SNAP47: variants seen among roughly 807,000 people sequenced by gnomAD.
SNAP47 encodes the protein synaptosomal-associated protein 47.
SNAP47 carries 20 observed loss-of-function variants against 31.4 expected under a neutral mutation model. That is an observed-to-expected ratio of 0.64 (90% CI 0.45 to 0.93). The LOEUF is 0.93. SNAP47 is among the 40% of genes least tolerant of loss of function. The pLI is 0.00. For synonymous variants in SNAP47, 194 were observed against 213.4 expected, an observed-to-expected ratio of 0.91 and a Z score of 0.79; for missense variants, 492 against 528.5, an observed-to-expected ratio of 0.93 and a Z score of 0.68.
chr1:227,770,795 G>A (rs958871609), intron 4 of SNAP47: 6 of 152,616 alleles, frequency 3.9e-5, no homozygotes, highest in South Asian at 2.1e-4. Flanking sequence ...GTGTATGACC[G>A]CCCTGGCTTC....
In SNAP47 at chr1:227,735,461, C is replaced by G. The variant is rs1571972510; in HGVS notation, c.-84C>G. 4 of 1,436,596 alleles carry G rather than the reference C, an allele frequency of 2.8e-6. No individual in the cohort carries two copies. Among genetic ancestry groups the G allele is most frequent in the Non-Finnish European group, 3.6e-6 (4 of 1,105,780 alleles). 89.0% of individuals were successfully genotyped at this position (1,436,596 alleles called of 1,614,324 possible). ...CTGCGCAGGCGCCGAGCGGCCGAGGCGCCGCGGTCGGCTCTGGGACTCGTC... is the reference window on the plus strand; with the variant it reads ...CTGCGCAGGCGCCGAGCGGCCGAGGGGCCGCGGTCGGCTCTGGGACTCGTC... On this transcript the variant is annotated 5_prime_UTR_variant, in exon 1 of 5. Coordinates refer to ENST00000617596, the MANE Select transcript of SNAP47 (RefSeq NM_053052.4).
intron 4 of SNAP47, 56 bp downstream of exon 4, chr1:227,767,139 C>G (rs1228499708): frequency 6.2e-7 from 1 of 1,601,676 alleles, no homozygotes; most frequent in Non-Finnish European, 8.5e-7. Flanking sequence ...TTCCCGCAGG[C>G]TGCTCCTCTT....
chr1:227,754,142 C>G (rs1318166137), intron 2 of SNAP47, among the ~76,000 whole-genome samples: 1 of 152,208 alleles, frequency 6.6e-6, no homozygotes, highest in Non-Finnish European at 1.5e-5. Flanking sequence ...GATGGTTTTC[C>G]CCTGGAGTTG....
chr1:227,734,852 G>C, upstream of SNAP47: 1 of 1,611,544 alleles, frequency 6.2e-7, no homozygotes, highest in Non-Finnish European at 8.5e-7. Flanking sequence ...CATCTCCCTG[G>C]GCCCCGTCCT....
intron 4 of SNAP47, chr1:227,776,977 C>T: frequency 1.0e-6 from 1 of 985,374 alleles, no homozygotes; most frequent in Non-Finnish European, 1.2e-6. Flanking sequence ...GGCAGATCAG[C>T]TGGTCTTAGT....
chr1:227,735,731 G>A, intron 1 of SNAP47: 1 of 982,838 alleles, frequency 1.0e-6, no homozygotes, highest in African/African-American at 1.7e-5. Context: ...GGAGAGAACG[G>A]TGGGACCCAG....
In SNAP47 at chr1:227,772,208, T is replaced by C. The variant is rs556367634; in HGVS notation, c.1113+5125T>C. 1.3e-4 allele frequency among the ~76,000 whole-genome samples: 20 copies of C among 152,310 alleles called. 1 individual carries two copies. Among genetic ancestry groups the C allele is most frequent in the African/African-American group, 4.8e-4 (20 of 41,570 alleles). On this transcript the variant is annotated intron_variant, in intron 4 of 4. Transcript: ENST00000617596. ...ATTATTCACTTTTTAAAAATTGTGG[T>C]GAAATATATAAAACACAAATTTTGC...
At chr1:227,761,619 A>G (rs1663068222) in intron 3 of SNAP47, among the ~76,000 whole-genome samples, 1 of 152,212 alleles carries the variant, frequency 6.6e-6, no homozygotes, top group African/African-American at 2.4e-5. Context: ...CTTCACCCAC[A>G]TTCAAGGTAA....
intron 4 of SNAP47, among the ~76,000 whole-genome samples, chr1:227,767,776 C>A (rs1231446947): frequency 6.6e-6 from 1 of 152,192 alleles, no homozygotes. Context: ...GTATACTGTG[C>A]ATGCATGCAG....
At chr1:227,750,712 G>A (rs1456396869) in intron 2 of SNAP47, among the ~76,000 whole-genome samples, 6 of 152,236 alleles carry the variant, frequency 3.9e-5, no homozygotes, top group Non-Finnish European at 1.5e-5. Flanking sequence ...CTGGCCATAG[G>A]CGAGGGTGCT....
chr1:227,769,999 T>A (rs1285332838), intron 4 of SNAP47, among the ~76,000 whole-genome samples: 1 of 151,138 alleles, frequency 6.6e-6, no homozygotes, highest in Non-Finnish European at 1.5e-5. Flanking sequence ...GGCGGGAGAG[T>A]GGGTGGGAGC....
chr1:227,732,789 C>A, upstream of SNAP47: 1 of 1,591,456 alleles, frequency 6.3e-7, no homozygotes, highest in South Asian at 1.1e-5. Flanking sequence ...AAGACAGAGG[C>A]ACTGAGAAGC....
At position 227,780,861 on chromosome 1, in the gene SNAP47, T is replaced by C. The variant is rs1664420853; in HGVS notation, c.*188T>C. 1 of 725,384 alleles carries C rather than the reference T, an allele frequency of 1.4e-6. No homozygotes were observed. Among genetic ancestry groups the C allele is most frequent in the Non-Finnish European group, 2.2e-6 (1 of 454,790 alleles). 44.9% of individuals were successfully genotyped at this position (725,384 alleles called of 1,614,324 possible). A position where few individuals can be genotyped will look rare whatever the true frequency, so the allele number is the denominator to read the frequency against. Reference sequence around the variant, plus strand: ...GTGTGCACCATGCCTGCCTCCCACTTGGCTGTCCCTGCTGCTGGGCAGGAC... The same window carrying C: ...GTGTGCACCATGCCTGCCTCCCACTCGGCTGTCCCTGCTGCTGGGCAGGAC... On this transcript the variant is annotated 3_prime_UTR_variant, in exon 5 of 5. Coordinates refer to ENST00000617596, the MANE Select transcript of SNAP47 (RefSeq NM_053052.4).
At chr1:227,774,002 T>G (rs1414509806) in intron 4 of SNAP47, among the ~76,000 whole-genome samples, 2 of 152,244 alleles carry the variant, frequency 1.3e-5, no homozygotes, top group Admixed American at 6.5e-5. Context: ...AACACTTCAG[T>G]TTGCCGTGTT....
chr1:227,754,678 G>T (rs971628359), intron 2 of SNAP47, among the ~76,000 whole-genome samples: 1 of 152,194 alleles, frequency 6.6e-6, no homozygotes, highest in Non-Finnish European at 1.5e-5. Flanking sequence ...TCACCTCACG[G>T]CACTGTGATC....
At position 227,780,644 on chromosome 1, in the gene SNAP47, C is replaced by T; in HGVS notation, c.1231C>T (p.His411Tyr). 6.2e-7 allele frequency: 1 copy of T among 1,614,206 alleles called. No individual in the cohort carries two copies. Residue 411 changes from histidine (H) to tyrosine (Y), a missense_variant, in exon 5 of 5, where the codon CAC (histidine) becomes TAC (tyrosine). Physicochemically the swap from His to Tyr is moderately conservative, Grantham distance 83 (BLOSUM62 2). Transcript: ENST00000617596. ...CAGGGCAACCTTGACCATCGACAAGCACAACAGGCGGATGAAGAGGCTGAC... is the reference window on the plus strand; with the variant it reads ...CAGGGCAACCTTGACCATCGACAAGTACAACAGGCGGATGAAGAGGCTGAC... ...VDRATLTIDK[H>Y]NRRMKRLT
chr1:227,780,620 A>G lies in SNAP47; in HGVS notation c.1207A>G (p.Arg403Gly), dbSNP rs749728883. The G allele has an allele frequency of 6.2e-7, 1 of 1,614,200 alleles. No homozygotes were observed. ...ALDGVAAAVD[R>G]ATLTIDKHNR... ...GGATGGCGTTGCAGCAGCTGTGGACAGGGCAACCTTGACCATCGACAAGCA... is the reference window on the plus strand; with the variant it reads ...GGATGGCGTTGCAGCAGCTGTGGACGGGGCAACCTTGACCATCGACAAGCA... The change falls in exon 5 of 5, where the codon AGG (arginine) becomes GGG (glycine). Residue 403 changes from arginine to glycine, a missense_variant. By Grantham distance (125) the Arg-to-Gly change is moderately radical. Coordinates refer to ENST00000617596, the MANE Select transcript of SNAP47 (RefSeq NM_053052.4).
intron 4 of SNAP47, among the ~76,000 whole-genome samples, chr1:227,770,212 A>G (rs1663706632): frequency 6.6e-6 from 1 of 152,190 alleles, no homozygotes; most frequent in African/African-American, 2.4e-5. Context: ...GCAAACACAC[A>G]TGGTAACAGG....
chr1:227,729,417 G>A (rs1324180075), intron 1 of SNAP47, among the ~76,000 whole-genome samples: 1 of 152,190 alleles, frequency 6.6e-6, no homozygotes, highest in Non-Finnish European at 1.5e-5. Context: ...AGGTGCAGCT[G>A]GTAGTTGCAG....
Sources: allele counts gnomAD v4.1 joint callset (sites outside exome capture counted in the v4.1 genomes callset), GRCh38; gene constraint gnomAD v4.1.1; transcripts MANE v1.5; gene names NCBI Gene and HGNC (gene_info 2026-07-23, HGNC 2026-07-21).